Variants in PTPN6 observed in about 807,000 individuals in gnomAD.
The protein encoded by PTPN6 is protein tyrosine phosphatase non-receptor type 6.
In PTPN6, 18 loss-of-function variants were observed where a neutral mutation model predicts 81.5. That is an observed-to-expected ratio of 0.22 (90% CI 0.15 to 0.33). PTPN6 has a LOEUF of 0.33. PTPN6 is among the 10% of genes least tolerant of loss of function. The pLI is 1.00. For missense variants in PTPN6, 500 were observed against 794.2 expected (o/e 0.63, Z 4.45); for synonymous variants, 301 against 310.9 (o/e 0.97, Z 0.33).
chr12:6,955,213 T>C lies in PTPN6; in HGVS notation c.579T>C (p.His193=). The C allele has an allele frequency of 1.2e-6, 2 of 1,614,204 alleles. No homozygotes were observed. The highest frequency in any genetic ancestry group is 2.2e-5 in the South Asian group (2 of 91,086). Residue 193 remains histidine (H), a synonymous_variant, in exon 5 of 16, where the codon CAT becomes CAC. Transcript: ENST00000318974. The surrounding 1 kb of genome is among the most constrained non-coding windows in gnomAD (Gnocchi z 7.2). ...TFDSLTDLVE[H]FKKTGIEEAS... ...ACAGCCTCACGGACCTGGTGGAGCA[T>C]TTCAAGAAGACGGGGATTGAGGAGG...
chr12:6,956,335 G>A lies in PTPN6; in HGVS notation c.925-84G>A. 6.2e-7 allele frequency: 1 copy of A among 1,611,560 alleles called. No individual in the cohort carries two copies. The highest frequency in any genetic ancestry group is 8.5e-7 in the Non-Finnish European group (1 of 1,177,732). On this transcript the variant is annotated intron_variant, in intron 8 of 15. Transcript: ENST00000318974. The surrounding 1 kb of genome is among the most constrained non-coding windows in gnomAD (Gnocchi z 4.1). Reference sequence around the variant, plus strand: ...CAAAGCCGAAGCTGGCTTCTTGCATGGGTGAGGGTGGCAGTGGTTCAGGGC... The same window carrying A: ...CAAAGCCGAAGCTGGCTTCTTGCATAGGTGAGGGTGGCAGTGGTTCAGGGC...
Position 6,952,622 on chromosome 12 carries a change from T to A in PTPN6, c.326+445T>A, listed in dbSNP as rs1190017089. The A allele has an allele frequency of 7.4e-6, 2 of 269,706 alleles. No homozygotes were observed. The highest frequency in any genetic ancestry group is 1.5e-5 in the Non-Finnish European group (2 of 135,194). The allele number at this position is 269,706 out of a possible 1,614,324, so 16.7% of individuals were successfully genotyped here. On this transcript the variant is annotated intron_variant, in intron 3 of 15. Transcript: ENST00000318974. This position sits in a 1 kb window ranked among gnomAD's most constrained non-coding sequence, Gnocchi z 8.1. ...ACACTGGGGTGAAGATGGGGATGAATGCTTGCCAAGACACTTGATGCCTTG... is the reference window on the plus strand; with the variant it reads ...ACACTGGGGTGAAGATGGGGATGAAAGCTTGCCAAGACACTTGATGCCTTG...
rs1307615458 is a variant in PTPN6 at position 6,959,632 on chromosome 12, C to T, written c.1362-295C>T. 2.9e-5 allele frequency: 16 copies of T among 559,178 alleles called. No homozygotes were observed. The highest frequency in any genetic ancestry group is 1.9e-4 in the Admixed American group (6 of 32,050). The allele number at this position is 559,178 out of a possible 1,614,324, so 34.6% of individuals were successfully genotyped here. On this transcript the variant is annotated intron_variant, in intron 11 of 15. Coordinates refer to ENST00000318974, the MANE Select transcript of PTPN6 (RefSeq NM_002831.6). The surrounding 1 kb of genome is among the most constrained non-coding windows in gnomAD (Gnocchi z 6.6). ...TGGGATTTGGGGGTCCCAGGTCTTCCGGGGTGGGGGCAGCCACTCACTAGG... is the reference window on the plus strand; with the variant it reads ...TGGGATTTGGGGGTCCCAGGTCTTCTGGGGTGGGGGCAGCCACTCACTAGG...
rs782099814 is a variant in PTPN6, at chr12:6,955,505, AG to A, written c.747+23del. 10 of 1,610,556 alleles carry A rather than the reference AG, an allele frequency of 6.2e-6. No individual in the cohort carries two copies. Among genetic ancestry groups the A allele is most frequent in the Non-Finnish European group, 3.4e-6 (4 of 1,177,270 alleles). ...TTTGAGGTGCATGGTGGGGACCGGC[AG>A]GGCTGGGGCAGCTGAGGTGGTGGCA... On this transcript the variant is annotated intron_variant, in intron 6 of 15. Transcript: ENST00000318974. This position sits in a 1 kb window ranked among gnomAD's most constrained non-coding sequence, Gnocchi z 7.2.
upstream of PTPN6, among the ~76,000 whole-genome samples, chr12:6,950,420 G>A (rs1362385645): frequency 1.3e-5 from 2 of 152,046 alleles, no homozygotes; most frequent in African/African-American, 4.8e-5. Context: ...AGTGTTTAGG[G>A]CCTCTAAGAT....
chr12:6,957,574 C>T lies in PTPN6; in HGVS notation c.1075-80C>T. On this transcript the variant is annotated intron_variant, in intron 9 of 15. Transcript: ENST00000318974. This position sits in a 1 kb window ranked among gnomAD's most constrained non-coding sequence, Gnocchi z 6.5. Reference sequence around the variant, plus strand: ...CAAATGTTTGGGCCGGTGCCAGGCACTCAGAACATAGAGCAGGACCTGGGA... The same window carrying T: ...CAAATGTTTGGGCCGGTGCCAGGCATTCAGAACATAGAGCAGGACCTGGGA... The T allele has an allele frequency of 1.3e-6, 2 of 1,549,480 alleles. No homozygotes were observed. Among genetic ancestry groups the T allele is most frequent in the Non-Finnish European group, 1.8e-6 (2 of 1,136,734 alleles).
rs1461039608 is a variant in PTPN6 at position 6,951,509 on chromosome 12, C to T, written c.-4C>T. The T allele has an allele frequency of 6.2e-6, 10 of 1,613,814 alleles. No homozygotes were observed. The highest frequency in any genetic ancestry group is 8.5e-6 in the Non-Finnish European group (10 of 1,179,906). On this transcript the variant is annotated 5_prime_UTR_variant, in exon 1 of 16. Coordinates refer to ENST00000318974, the MANE Select transcript of PTPN6 (RefSeq NM_002831.6). This position sits in a 1 kb window ranked among gnomAD's most constrained non-coding sequence, Gnocchi z 7.2. ...CGCCCCCTTCCTCTCCGGAAGCCCC[C>T]AGGATGGTGAGGTAAGGGCCTGCCA...
At chr12:6,947,468 G>A (rs1381829934), upstream of PTPN6, among the ~76,000 whole-genome samples, 4 of 151,922 alleles carry the variant, frequency 2.6e-5, no homozygotes, top group Non-Finnish European at 1.5e-5. Context: ...CCAGGAGTTT[G>A]AGACCAGCCT....
In PTPN6 at chr12:6,956,228, A is replaced by C. The variant is rs1555148656; in HGVS notation, c.924+7A>C. On this transcript the variant is annotated splice_region_variant and intron_variant, in intron 8 of 15. Coordinates refer to ENST00000318974, the MANE Select transcript of PTPN6 (RefSeq NM_002831.6). The surrounding 1 kb of genome is among the most constrained non-coding windows in gnomAD (Gnocchi z 4.1). ...CAATGCCAACTACATCAAGGTCAGC[A>C]GTGTGGGCCACGTGGGAGGAGAGGC... is the stretch of plus-strand genomic sequence containing the variant. The C allele has an allele frequency of 1.2e-6, 2 of 1,613,998 alleles. No individual in the cohort carries two copies. The highest frequency in any genetic ancestry group is 4.5e-5 in the East Asian group (2 of 44,882).
rs1169169470 is a variant in PTPN6 at position 6,955,964 on chromosome 12, T to C, written c.845-178T>C. 6.7e-6 allele frequency among the ~76,000 whole-genome samples: 1 copy of C among 149,878 alleles called. No homozygotes were observed. Among genetic ancestry groups the C allele is most frequent in the Admixed American group, 6.6e-5 (1 of 15,100 alleles). ...AGGTTGCCCCCTGCTCCCAACCTCC[T>C]TGTGAACTCCCTCACTCCCTCCATA... On this transcript the variant is annotated intron_variant, in intron 7 of 15. Coordinates refer to ENST00000318974, the MANE Select transcript of PTPN6 (RefSeq NM_002831.6). The surrounding 1 kb of genome is among the most constrained non-coding windows in gnomAD (Gnocchi z 7.2).
At position 6,954,763 on chromosome 12, in the gene PTPN6, C is replaced by CT; in HGVS notation, c.327-41dup. ...GAATGTCTCTGCTCAGCGCCTTCCC[C>CT]TGTGGCCTGGGTCTTACCTTCCCTG... On this transcript the variant is annotated intron_variant, in intron 3 of 15. Transcript: ENST00000318974. The surrounding 1 kb of genome is among the most constrained non-coding windows in gnomAD (Gnocchi z 5.4). 6.3e-7 allele frequency: 1 copy of CT among 1,594,424 alleles called. No homozygotes were observed. Among genetic ancestry groups the CT allele is most frequent in the South Asian group, 1.1e-5 (1 of 90,294 alleles).
chr12:6,946,783 T>TGGAG (rs782257563), upstream of PTPN6: 9 of 1,585,390 alleles, frequency 5.7e-6, no homozygotes, highest in African/African-American at 6.7e-5. Flanking sequence ...CTGTTAGTTT[T>TGGAG]GGAGGGAGGG....
chr12:6,955,547 A>T lies in PTPN6; in HGVS notation c.747+62A>T. ...GGTGGTGGCAGCGGCCTGGGGCCCC[A>T]GGCGGACACCTTCCCCTCCTTGCCC... On this transcript the variant is annotated intron_variant, in intron 6 of 15. Transcript: ENST00000318974. The surrounding 1 kb of genome is among the most constrained non-coding windows in gnomAD (Gnocchi z 7.2). 1 of 1,576,552 alleles carries T rather than the reference A, an allele frequency of 6.3e-7. No homozygotes were observed. Among genetic ancestry groups the T allele is most frequent in the Non-Finnish European group, 8.7e-7 (1 of 1,147,122 alleles).
rs1946064548 is a variant in PTPN6, at chr12:6,958,083, A to G, written c.1361+10A>G. ...TCATCGTGCACTGCAGGTGAGGATG[A>G]TAATCCTGATGGTAGTAGTGACAGC... On this transcript the variant is annotated intron_variant, in intron 11 of 15. Coordinates refer to ENST00000318974, the MANE Select transcript of PTPN6 (RefSeq NM_002831.6). 1 of 1,609,210 alleles carries G rather than the reference A, an allele frequency of 6.2e-7. No individual in the cohort carries two copies. The highest frequency in any genetic ancestry group is 8.5e-7 in the Non-Finnish European group (1 of 1,179,982).
rs782818828 is a variant in PTPN6 at position 6,958,020 on chromosome 12, C to T, written c.1308C>T (p.Ile436=). The T allele has an allele frequency of 6.2e-7, 1 of 1,613,476 alleles. No homozygotes were observed. Among genetic ancestry groups the T allele is most frequent in the South Asian group, 1.1e-5 (1 of 91,082 alleles). Residue 436 remains isoleucine (I), a synonymous_variant, in exon 11 of 16, where the codon ATC becomes ATT. Coordinates refer to ENST00000318974, the MANE Select transcript of PTPN6 (RefSeq NM_002831.6). ...GTGTCCTCAGCTTCCTGGACCAGAT[C>T]AACCAGCGGCAGGAAAGTCTGCCTC... The part of the protein sequence containing the change: ...PGGVLSFLDQ[I]NQRQESLPHA...
chr12:6,947,472 C>A (rs1447726925), upstream of PTPN6, among the ~76,000 whole-genome samples: 1 of 152,044 alleles, frequency 6.6e-6, no homozygotes, highest in Admixed American at 6.5e-5. Context: ...GAGTTTGAGA[C>A]CAGCCTGGCC....
In PTPN6 at chr12:6,960,263, G is replaced by GGC. The variant is rs1555149536; in HGVS notation, c.1581+25_1581+26insCG. The GGC allele has an allele frequency of 5.5e-5, 69 of 1,251,626 alleles. No individual in the cohort carries two copies. In the Admixed American group the frequency reaches 7.4e-4, roughly 13 times the overall value. 77.5% of individuals were successfully genotyped at this position (1,251,626 alleles called of 1,614,324 possible). A position where few individuals can be genotyped will look rare whatever the true frequency, so the allele number is the denominator to read the frequency against. ...AGGTGCGTGCAGAGCAGGGCCTGGGGGGGGGGGGGGCTGCAGTGCAGGATG... is the reference window on the plus strand; with the variant it reads ...AGGTGCGTGCAGAGCAGGGCCTGGGGGCGGGGGGGGGGCTGCAGTGCAGGATG... On this transcript the variant is annotated intron_variant, in intron 13 of 15. Coordinates refer to ENST00000318974, the MANE Select transcript of PTPN6 (RefSeq NM_002831.6). The surrounding 1 kb of genome is among the most constrained non-coding windows in gnomAD (Gnocchi z 6.1).
chr12:6,953,655 C>A (rs190879725), intron 3 of PTPN6: 2 of 152,700 alleles, frequency 1.3e-5, no homozygotes, highest in African/African-American at 4.8e-5. Flanking sequence ...ATCTGTCCCT[C>A]GGTGGCTCTG....
intron 11 of PTPN6, among the ~76,000 whole-genome samples, chr12:6,958,603 G>T (rs1555149186): frequency 6.6e-6 from 1 of 152,252 alleles, no homozygotes; most frequent in Non-Finnish European, 1.5e-5. Flanking sequence ...CCCCAGGGCT[G>T]TGTGGGGATG....
Sources: allele counts gnomAD v4.1 joint callset (sites outside exome capture counted in the v4.1 genomes callset), GRCh38; gene constraint gnomAD v4.1.1; non-coding constraint Gnocchi (gnomAD v3.1); transcripts MANE v1.5; gene names NCBI Gene and HGNC (gene_info 2026-07-23, HGNC 2026-07-21).